The following SUPV3L1 variants were observed in gnomAD, a reference collection of about 807,000 sequenced individuals.
The protein encoded by SUPV3L1 is ATP-dependent RNA helicase SUPV3L1, mitochondrial.
In SUPV3L1, 35 loss-of-function variants were observed where a neutral mutation model predicts 70.0. The ratio of observed to expected loss-of-function variants is 0.50; its 90% confidence interval spans 0.38 to 0.66. The LOEUF (loss-of-function observed/expected upper bound fraction) is 0.66. Ranked by LOEUF, SUPV3L1 falls within the 30% of genes least tolerant of loss-of-function variation. The pLI, the probability that SUPV3L1 is intolerant of heterozygous loss-of-function variation, is 0.00. For missense variants in SUPV3L1, 777 were observed against 961.5 expected (o/e 0.81, Z 2.54); for synonymous variants, 364 against 341.9 (o/e 1.06, Z -0.71).
Position 69,208,888 on chromosome 10 carries a change from G to A in SUPV3L1, c.2214G>A (p.Val738=), listed in dbSNP as rs141290422. ...AGCTGTCCCTTGCTTCCAGATTGGT[G>A]CAGCAAGGACTCCTCACTCCAGACA... is the stretch of plus-strand genomic sequence containing the variant. ...AGELSLASRL[V]QQGLLTPDML... The change falls in exon 15 of 15, where the codon GTG becomes GTA. Residue 738 remains valine (V), a synonymous_variant. Coordinates refer to ENST00000359655, the MANE Select transcript of SUPV3L1 (RefSeq NM_003171.5). 1.4e-5 allele frequency: 23 copies of A among 1,613,926 alleles called. No individual in the cohort carries two copies. The highest frequency in any genetic ancestry group is 1.8e-5 in the Non-Finnish European group (21 of 1,179,998).
intron 12 of SUPV3L1, 142 bp downstream of exon 12, chr10:69,202,661 T>C: frequency 9.0e-7 from 1 of 1,110,658 alleles, no homozygotes; most frequent in Non-Finnish European, 1.3e-6. Flanking sequence ...GAAAATTTTT[T>C]CTCAAAATCT....
intron 1 of SUPV3L1, 107 bp from the exon 2 acceptor site, chr10:69,185,880 C>A: frequency 1.2e-6 from 1 of 803,516 alleles, no homozygotes; most frequent in Non-Finnish European, 2.2e-6. Flanking sequence ...GTTCTTGCAA[C>A]ACTCATTAGA....
intron 12 of SUPV3L1, 36 bp downstream of exon 12, chr10:69,202,555 A>G: frequency 1.3e-6 from 2 of 1,575,330 alleles, no homozygotes; most frequent in Non-Finnish European, 1.7e-6. Context: ...TCCCCTAAAA[A>G]TGTTGATATG....
In SUPV3L1 at chr10:69,186,110, G is replaced by A. The variant is rs185838899; in HGVS notation, c.349+46G>A. 686 of 1,523,220 alleles carry A rather than the reference G, an allele frequency of 4.5e-4. 6 individuals are homozygous for A. The highest frequency in any genetic ancestry group is 2.1e-3 in the African/African-American group (155 of 72,628). 94.4% of individuals were successfully genotyped at this position (1,523,220 alleles called of 1,614,324 possible). ...ATAGAGGTATTTTATTACCTCTTAC[G>A]GTACAGCTTGGTCAGGACTGTACGA... On this transcript the variant is annotated intron_variant, in intron 2 of 14. Transcript: ENST00000359655.
chr10:69,207,870 A>G lies in SUPV3L1; in HGVS notation c.1854A>G (p.Pro618=), dbSNP rs756648388. ...LRRYIKWPLL[P]PKNIKDLMDL... is the part of the protein sequence containing the mutation. Reference sequence around the variant, plus strand: ...GATACATCAAATGGCCTTTACTTCCACCTAAGAATATTAAAGACCTCATGG... The same window carrying G: ...GATACATCAAATGGCCTTTACTTCCGCCTAAGAATATTAAAGACCTCATGG... Residue 618 remains proline, a synonymous_variant, in exon 14 of 15, where the codon CCA becomes CCG. Coordinates refer to ENST00000359655, the MANE Select transcript of SUPV3L1 (RefSeq NM_003171.5). The G allele has an allele frequency of 1.2e-6, 2 of 1,613,992 alleles. No homozygotes were observed. The highest frequency in any genetic ancestry group is 1.7e-6 in the Non-Finnish European group (2 of 1,180,034).
chr10:69,199,786 C>T (rs541025567), intron 10 of SUPV3L1, among the ~76,000 whole-genome samples: 30 of 152,250 alleles, frequency 2.0e-4, no homozygotes, highest in Admixed American at 5.9e-4. Context: ...CTATTATGCA[C>T]ATGGGGCTAG....
chr10:69,184,334 G>GC (rs1842153814), intron 1 of SUPV3L1, among the ~76,000 whole-genome samples: 6 of 151,970 alleles, frequency 3.9e-5, no homozygotes, highest in Admixed American at 3.9e-4. Flanking sequence ...TTCGAGACCG[G>GC]CCTGACCAAC....
At position 69,187,700 on chromosome 10, in the gene SUPV3L1, G is replaced by T. The variant is rs1842270187; in HGVS notation, c.516G>T (p.Val172=). The change falls in exon 4 of 15, where the codon GTG becomes GTT. Residue 172 remains valine, a synonymous_variant. Transcript: ENST00000359655. The part of the protein sequence containing the change: ...FLRHAKQIFP[V]LDCKDDLRKI... ...GACATGCCAAACAAATATTTCCTGTGTTGGACTGTAAGGATGATCTACGTA... is the reference window on the plus strand; with the variant it reads ...GACATGCCAAACAAATATTTCCTGTTTTGGACTGTAAGGATGATCTACGTA... The T allele has an allele frequency of 6.2e-7, 1 of 1,613,358 alleles. No homozygotes were observed.
At chr10:69,180,679 C>G (rs1842029312) in intron 1 of SUPV3L1, 117 bp downstream of exon 1, 1 of 1,398,638 alleles carries the variant, frequency 7.1e-7, no homozygotes, top group Admixed American at 2.1e-5. Flanking sequence ...GTGTTGTCAT[C>G]GTGCCTCTCA....
chr10:69,205,790 C>T (rs902365907), intron 13 of SUPV3L1, among the ~76,000 whole-genome samples: 37 of 152,224 alleles, frequency 2.4e-4, no homozygotes, highest in Admixed American at 9.8e-4. Context: ...CCGCCTTGGC[C>T]TCCCAAAGTG....
intron 1 of SUPV3L1, among the ~76,000 whole-genome samples, chr10:69,185,227 G>A (rs1051721302): frequency 1.3e-5 from 2 of 152,172 alleles, no homozygotes; most frequent in Non-Finnish European, 2.9e-5. Context: ...CAAAACAAGT[G>A]TAATCTTTTA....
At chr10:69,182,528 A>G (rs986699306) in intron 1 of SUPV3L1, 1 of 985,254 alleles carries the variant, frequency 1.0e-6, no homozygotes, top group African/African-American at 1.7e-5. Flanking sequence ...AGCTATTCCA[A>G]TTCACCTGAA....
chr10:69,199,860 TCTGAGACAG>T (rs1429959731), intron 10 of SUPV3L1, among the ~76,000 whole-genome samples: 1 of 152,170 alleles, frequency 6.6e-6, no homozygotes, highest in East Asian at 1.9e-4. Flanking sequence ...TTTATTTATT[TCTGAGACAG>T]AGTCTCACTC....
chr10:69,208,709 A>G lies in SUPV3L1; in HGVS notation c.2035A>G (p.Met679Val). The change falls in exon 15 of 15, where the codon ATG becomes GTG. Residue 679 changes from methionine to valine, a missense_variant. Coordinates refer to ENST00000359655, the MANE Select transcript of SUPV3L1 (RefSeq NM_003171.5). ...GCACAATATCACTAAATTGATTAAA[A>G]TGTCTGAGACGCATAAGCTGTTGAA... is the stretch of plus-strand genomic sequence containing the variant. Reference protein sequence around the residue: ...GVHNITKLIKMSETHKLLNLE... With the variant: ...GVHNITKLIKVSETHKLLNLE... 1 of 1,614,250 alleles carries G rather than the reference A, an allele frequency of 6.2e-7. No homozygotes were observed.
chr10:69,196,921 T>C, intron 7 of SUPV3L1, 71 bp from the exon 8 acceptor site: 1 of 1,337,470 alleles, frequency 7.5e-7, no homozygotes, highest in Non-Finnish European at 1.1e-6. Flanking sequence ...GTAAAGTACT[T>C]TGGCTATGTA....
In SUPV3L1 at chr10:69,189,285, C is replaced by G. The variant is rs1842321710; in HGVS notation, c.591C>G (p.Ala197=). 6.2e-7 allele frequency: 1 copy of G among 1,613,470 alleles called. No individual in the cohort carries two copies. The highest frequency in any genetic ancestry group is 8.5e-7 in the Non-Finnish European group (1 of 1,179,806). Residue 197 remains alanine (A), a synonymous_variant, in exon 5 of 15, where the codon GCC becomes GCG. Transcript: ENST00000359655. Reference sequence around the variant, plus strand: ...GTTTTAGGTACCCAGATGCTAGAGCCATGCAGCGGAAGATAATATTTCATT... The same window carrying G: ...GTTTTAGGTACCCAGATGCTAGAGCGATGCAGCGGAAGATAATATTTCATT... ...IPPNWYPDAR[A]MQRKIIFHSG... is the part of the protein sequence containing the mutation.
chr10:69,206,902 G>A (rs1842844990), intron 13 of SUPV3L1, among the ~76,000 whole-genome samples: 1 of 152,150 alleles, frequency 6.6e-6, no homozygotes, highest in South Asian at 2.1e-4. Flanking sequence ...AGCTACTCAG[G>A]AGGTTGAGGC....
At chr10:69,204,777 CTTT>C (rs71035076) in intron 13 of SUPV3L1, among the ~76,000 whole-genome samples, 1 of 144,800 alleles carries the variant, frequency 6.9e-6, no homozygotes, top group Non-Finnish European at 1.5e-5. Context: ...AAAAAATTAT[CTTT>C]TTTTTTTTTT....
At chr10:69,202,073 T>A (rs1842697229) in intron 11 of SUPV3L1, among the ~76,000 whole-genome samples, 1 of 140,708 alleles carries the variant, frequency 7.1e-6, no homozygotes, top group Admixed American at 7.2e-5. Context: ...TCTCCTGACC[T>A]CGTGATCCGC....
Sources: gnomAD v4.1 joint callset for allele counts (sites outside exome capture counted in the v4.1 genomes callset) on GRCh38, gnomAD v4.1.1 for gene constraint, MANE v1.5 for transcripts, NCBI Gene and HGNC (gene_info 2026-07-23, HGNC 2026-07-21) for gene names.